The following NCKAP1L variants were observed in gnomAD, a reference collection of about 807,000 sequenced individuals.
NCKAP1L encodes NCK associated protein 1 like.
Under a neutral mutation model 139.2 loss-of-function variants are expected in NCKAP1L, and 53 were observed. That is an observed-to-expected ratio of 0.38 (90% CI 0.31 to 0.48). NCKAP1L has a LOEUF of 0.48. NCKAP1L is among the 20% of genes least tolerant of loss of function. NCKAP1L has a pLI of 0.98. For synonymous variants in NCKAP1L, 468 were observed against 499.7 expected (o/e 0.94, Z 0.85); for missense variants, 1,151 against 1,381.9 (o/e 0.83, Z 2.65).
At chr12:54,535,303 C>T (rs889383784) in intron 27 of NCKAP1L, 106 bp downstream of exon 27, 6 of 815,612 alleles carry the variant, frequency 7.4e-6, no homozygotes, top group Non-Finnish European at 1.2e-5. Flanking sequence ...ATTATATATT[C>T]AGAGGATATA....
chr12:54,541,442 G>A (rs1205921163), intron 30 of NCKAP1L, among the ~76,000 whole-genome samples: 1 of 152,188 alleles, frequency 6.6e-6, no homozygotes, highest in African/African-American at 2.4e-5. Context: ...TGTACCTGAG[G>A]ATAGCACCTT....
intron 16 of NCKAP1L, 132 bp from the exon 17 acceptor site, chr12:54,520,562 G>T: frequency 1.1e-6 from 1 of 895,282 alleles, no homozygotes; most frequent in South Asian, 1.6e-5. Flanking sequence ...AATGTTTTTT[G>T]AAAGAATGAA....
chr12:54,523,279 G>A lies in NCKAP1L; in HGVS notation c.1879-115G>A. 5 of 1,224,514 alleles carry A rather than the reference G, an allele frequency of 4.1e-6. No homozygotes were observed. The South Asian group carries it at 4.5e-5, about 11-fold the overall frequency. 75.9% of individuals were successfully genotyped at this position (1,224,514 alleles called of 1,614,324 possible). On this transcript the variant is annotated intron_variant, in intron 18 of 30. Coordinates refer to ENST00000293373, the MANE Select transcript of NCKAP1L (RefSeq NM_005337.5). ...AGAGGTGTGTGGAAGGAAAGAGAGA[G>A]GAAGGCAGAAAGATAAAATAACAGA...
At chr12:54,512,793 TG>T (rs1380759195) in intron 9 of NCKAP1L, among the ~76,000 whole-genome samples, 5 of 145,844 alleles carry the variant, frequency 3.4e-5, no homozygotes, top group African/African-American at 1.3e-4. Context: ...TGTGTGTGTA[TG>T]TGTGAGTAAT....
intron 16 of NCKAP1L, among the ~76,000 whole-genome samples, chr12:54,519,731 G>A (rs996059108): frequency 6.6e-6 from 1 of 152,110 alleles, no homozygotes; most frequent in African/African-American, 2.4e-5. Flanking sequence ...TTAAGTGATA[G>A]GAATTTGAAG....
At position 54,534,527 on chromosome 12, in the gene NCKAP1L, C is replaced by T. The variant is rs140285402; in HGVS notation, c.2863-577C>T. On this transcript the variant is annotated intron_variant, in intron 26 of 30. Transcript: ENST00000293373. ...ACCAACGTAAGGAGGGAAGAGCTGG[C>T]TTTGGGCTGAAGTAATCAGGTAGCG... Among the ~76,000 whole-genome samples the T allele has an allele frequency of 4.1e-3, 628 of 152,198 alleles. 4 individuals are homozygous for T. The highest frequency in any genetic ancestry group is 0.015 in the African/African-American group (611 of 41,522).
In NCKAP1L at chr12:54,546,852, A is replaced by G. The variant is rs2120996103; in HGVS notation, c.*4167A>G. The stretch of plus-strand genomic sequence containing the variant: ...TGCAGCTCTGGAGAGATTGAGGAGC[A>G]GACTTTTCTCTTGTCACTTTGGAAG... On this transcript the variant is annotated 3_prime_UTR_variant, in exon 31 of 31. Coordinates refer to ENST00000293373, the MANE Select transcript of NCKAP1L (RefSeq NM_005337.5). The G allele has an allele frequency of 6.6e-6, 1 of 152,378 alleles. No individual in the cohort carries two copies. Among genetic ancestry groups the G allele is most frequent in the South Asian group, 2.1e-4 (1 of 4,830 alleles). 9.4% of individuals were successfully genotyped at this position (152,378 alleles called of 1,614,324 possible).
At chr12:54,527,873 A>T (rs1957039091) in intron 21 of NCKAP1L, among the ~76,000 whole-genome samples, 1 of 152,188 alleles carries the variant, frequency 6.6e-6, no homozygotes, top group African/African-American at 2.4e-5. Flanking sequence ...GTATATTTCA[A>T]AGGAGTCTAA....
intron 29 of NCKAP1L, among the ~76,000 whole-genome samples, 161 bp downstream of exon 29, chr12:54,537,214 T>A (rs1311521915): frequency 6.6e-6 from 1 of 152,222 alleles, no homozygotes; most frequent in Non-Finnish European, 1.5e-5. Flanking sequence ...GGCAAGAGTT[T>A]CTTCTAAATT....
chr12:54,499,831 A>C (rs1401448717), intron 2 of NCKAP1L, among the ~76,000 whole-genome samples: 1 of 152,224 alleles, frequency 6.6e-6, no homozygotes, highest in East Asian at 1.9e-4. Context: ...AGATTTCTGC[A>C]TCTAATGGGA....
chr12:54,520,485 A>G (rs1956972589), intron 16 of NCKAP1L, among the ~76,000 whole-genome samples: 1 of 152,172 alleles, frequency 6.6e-6, no homozygotes, highest in African/African-American at 2.4e-5. Context: ...TGGAAGGATT[A>G]AGTTTCTTGG....
intron 10 of NCKAP1L, 54 bp downstream of exon 10, chr12:54,516,349 C>G: frequency 6.5e-7 from 1 of 1,546,840 alleles, no homozygotes; most frequent in Non-Finnish European, 8.9e-7. Context: ...AATCTCTTCT[C>G]ACTTTTGTTC....
rs1024100702 is a variant in NCKAP1L, at chr12:54,516,886, T to C, written c.999-10T>C. 1 of 1,610,974 alleles carries C rather than the reference T, an allele frequency of 6.2e-7. No homozygotes were observed. Among genetic ancestry groups the C allele is most frequent in the East Asian group, 2.2e-5 (1 of 44,640 alleles). On this transcript the variant is annotated splice_polypyrimidine_tract_variant and intron_variant, in intron 10 of 30. Transcript: ENST00000293373. ...AGAGGTGATAGTCATGTTCCCCTTT[T>C]CTTCCTTAGTGGCCAGTTTCATTGT...
chr12:54,522,815 T>C (rs1484651343), intron 18 of NCKAP1L, among the ~76,000 whole-genome samples: 4 of 152,170 alleles, frequency 2.6e-5, no homozygotes, highest in Non-Finnish European at 5.9e-5. Flanking sequence ...GACTAGGATG[T>C]CTGAGTGAAG....
In NCKAP1L at chr12:54,531,764, G is replaced by A. The variant is rs1425457039; in HGVS notation, c.2720G>A (p.Arg907His). Residue 907 changes from arginine to histidine, a missense_variant, in exon 25 of 31, where the codon CGC becomes CAC. By Grantham distance (29) the Arg-to-His change is conservative. Coordinates refer to ENST00000293373, the MANE Select transcript of NCKAP1L (RefSeq NM_005337.5). ...TCAGGGGCTGAAAATGTGCTAAAGC[G>A]CATGACCATCATTGGGGTTATCCTC... Reference protein sequence around the residue: ...QLTGAENVLKRMTIIGVILSF... With the variant: ...QLTGAENVLKHMTIIGVILSF... 6.8e-6 allele frequency: 11 copies of A among 1,612,724 alleles called. No homozygotes were observed. Among genetic ancestry groups the A allele is most frequent in the South Asian group, 1.1e-5 (1 of 91,072 alleles).
intron 7 of NCKAP1L, 122 bp from the exon 8 acceptor site, chr12:54,511,681 A>G: frequency 2.0e-6 from 2 of 998,394 alleles, no homozygotes; most frequent in Middle Eastern, 2.9e-4. Flanking sequence ...TGTTGGGATT[A>G]AAGGCGTTAG....
At chr12:54,520,650 A>T in intron 16 of NCKAP1L, 44 bp from the exon 17 acceptor site, 1 of 1,610,334 alleles carries the variant, frequency 6.2e-7, no homozygotes, top group Non-Finnish European at 8.5e-7. Flanking sequence ...CACTTTACTA[A>T]TAAGGACTAA....
In NCKAP1L at chr12:54,517,876, C is replaced by A. The variant is rs760028590; in HGVS notation, c.1276C>A (p.Gln426Lys). The A allele has an allele frequency of 6.2e-7, 1 of 1,614,130 alleles. No homozygotes were observed. The highest frequency in any genetic ancestry group is 8.5e-7 in the Non-Finnish European group (1 of 1,179,994). ...GGTCCGAAGACACATCAAAGTGATA[C>A]AGCAATACCACCTTCAGTACTTGGC... is the stretch of plus-strand genomic sequence containing the variant. ...SLVRRHIKVI[Q>K]QYHLQYLARF... Residue 426 changes from glutamine to lysine, a missense_variant, in exon 13 of 31, where the codon CAG (glutamine) becomes AAG (lysine). Physicochemically the swap from Gln to Lys is moderately conservative, Grantham distance 53 (BLOSUM62 1). Coordinates refer to ENST00000293373, the MANE Select transcript of NCKAP1L (RefSeq NM_005337.5).
At chr12:54,507,582 G>A (rs2120891481) in intron 3 of NCKAP1L, among the ~76,000 whole-genome samples, 1 of 152,186 alleles carries the variant, frequency 6.6e-6, no homozygotes, top group African/African-American at 2.4e-5. Context: ...TGGAGGAATG[G>A]GGCATAGGGA....
Sources: gnomAD v4.1 joint callset for allele counts (sites outside exome capture counted in the v4.1 genomes callset) on GRCh38, gnomAD v4.1.1 for gene constraint, MANE v1.5 for transcripts, NCBI Gene and HGNC (gene_info 2026-07-23, HGNC 2026-07-21) for gene names.